Variants in ITPR2 observed in about 807,000 individuals in gnomAD.
ITPR2 encodes inositol 1,4,5-trisphosphate-gated calcium channel ITPR2.
In ITPR2, 207 loss-of-function variants were observed where a neutral mutation model predicts 317.1. That is an observed-to-expected ratio of 0.65 (90% CI 0.58 to 0.73). The LOEUF is 0.73. ITPR2 is among the 30% of genes least tolerant of loss of function. The pLI, the probability that ITPR2 is intolerant of heterozygous loss-of-function variation, is 0.00. For synonymous variants in ITPR2, 1,156 were observed against 1,149.1 expected, an observed-to-expected ratio of 1.01 and a Z score of -0.12; for missense variants, 2,613 against 3,284.0, an observed-to-expected ratio of 0.80 and a Z score of 4.99.
chr12:26,344,293 AT>A (rs1055494294), intron 55 of ITPR2, among the ~76,000 whole-genome samples: 27 of 152,110 alleles, frequency 1.8e-4, no homozygotes, highest in Non-Finnish European at 3.5e-4. Flanking sequence ...TCTGGGAGAG[AT>A]TTTTTCAACA....
At chr12:26,583,623 T>A (rs998449249) in intron 32 of ITPR2, among the ~76,000 whole-genome samples, 28 of 152,244 alleles carry the variant, frequency 1.8e-4, no homozygotes, top group African/African-American at 6.7e-4. Context: ...ATTTATGAAT[T>A]CTGATTAATT....
At chr12:26,746,645 T>C (rs771151662) in intron 2 of ITPR2, among the ~76,000 whole-genome samples, 9 of 152,332 alleles carry the variant, frequency 5.9e-5, no homozygotes, top group African/African-American at 1.4e-4. Flanking sequence ...TCCTTATTAC[T>C]GATGCACACA....
At chr12:26,615,035 A>G in intron 26 of ITPR2, among the ~76,000 whole-genome samples, 1 of 152,236 alleles carries the variant, frequency 6.6e-6, no homozygotes, top group East Asian at 1.9e-4. Context: ...AATCGGAGAA[A>G]GAGAGAGGAG....
chr12:26,780,759 C>T lies in ITPR2; in HGVS notation c.163+9398G>A, dbSNP rs1371441406. On this transcript the variant is annotated intron_variant, in intron 2 of 56. Transcript: ENST00000381340. ...GTGGAAATGGAAGTGGCACCACTCA[C>T]CATCACCCCTAGTGATCCACTAACA... Among the ~76,000 whole-genome samples, 3 of 152,196 alleles carry T rather than the reference C, an allele frequency of 2.0e-5. No homozygotes were observed. In the South Asian group the frequency reaches 6.2e-4, roughly 31 times the overall value.
At chr12:26,485,918 A>G (rs549904737) in intron 41 of ITPR2, among the ~76,000 whole-genome samples, 186 bp downstream of exon 41, 29 of 152,290 alleles carry the variant, frequency 1.9e-4, no homozygotes, top group African/African-American at 7.0e-4. Context: ...TTTCTTGCAT[A>G]AAAGGATTTT....
chr12:26,717,064 G>A (rs1948751819), intron 5 of ITPR2, among the ~76,000 whole-genome samples: 1 of 151,992 alleles, frequency 6.6e-6, no homozygotes, highest in African/African-American at 2.4e-5. Flanking sequence ...CATTATTAAA[G>A]TTACTTACAT....
intron 23 of ITPR2, 99 bp from the exon 24 acceptor site, chr12:26,624,455 C>A (rs1041137718): frequency 3.4e-5 from 28 of 820,264 alleles, no homozygotes; most frequent in Non-Finnish European, 5.0e-5. Context: ...TTTTTGTCTT[C>A]ATTTCTTTAT....
At chr12:26,407,363 G>A (rs1289875223) in intron 52 of ITPR2, among the ~76,000 whole-genome samples, 1 of 152,090 alleles carries the variant, frequency 6.6e-6, no homozygotes, top group Non-Finnish European at 1.5e-5. Flanking sequence ...CTTTGTTGTG[G>A]ACTGTCCTGT....
chr12:26,657,294 C>A (rs1449564), intron 18 of ITPR2, among the ~76,000 whole-genome samples: 1 of 152,142 alleles, frequency 6.6e-6, no homozygotes, highest in Non-Finnish European at 1.5e-5. Flanking sequence ...TAGGTCACCA[C>A]ATATTCATAA....
chr12:26,581,071 A>G (rs1019655097), intron 32 of ITPR2, among the ~76,000 whole-genome samples: 14 of 152,304 alleles, frequency 9.2e-5, no homozygotes, highest in African/African-American at 3.4e-4. Context: ...GTGGTTGGTA[A>G]TATGGTGGCC....
At chr12:26,710,458 T>C (rs946080668) in intron 9 of ITPR2, among the ~76,000 whole-genome samples, 2 of 152,164 alleles carry the variant, frequency 1.3e-5, no homozygotes, top group African/African-American at 4.8e-5. Flanking sequence ...CCTCTATCCA[T>C]TCACAAAATA....
At chr12:26,465,560 C>T (rs751805834) in intron 45 of ITPR2, among the ~76,000 whole-genome samples, 12 of 152,130 alleles carry the variant, frequency 7.9e-5, no homozygotes, top group South Asian at 2.1e-4. Flanking sequence ...AATGATCAAA[C>T]GAGGGAGAAC....
intron 37 of ITPR2, among the ~76,000 whole-genome samples, chr12:26,545,086 A>T (rs948594594): frequency 6.6e-6 from 1 of 152,186 alleles, no homozygotes. Flanking sequence ...TAAATACTAC[A>T]TCTACATTCT....
At chr12:26,551,280 A>G (rs1451934963) in intron 36 of ITPR2, among the ~76,000 whole-genome samples, 3 of 152,148 alleles carry the variant, frequency 2.0e-5, no homozygotes, top group African/African-American at 4.8e-5. Context: ...GGTCAAGTGT[A>G]AGGGCTTCCC....
chr12:26,813,915 C>G (rs753548713), intron 1 of ITPR2, among the ~76,000 whole-genome samples: 1 of 152,110 alleles, frequency 6.6e-6, no homozygotes, highest in Non-Finnish European at 1.5e-5. Context: ...TTTATTTGGC[C>G]ACAGTGTACA....
At chr12:26,459,852 C>T (rs1297326761) in intron 45 of ITPR2, among the ~76,000 whole-genome samples, 1 of 152,194 alleles carries the variant, frequency 6.6e-6, no homozygotes. Context: ...GTATCAACTG[C>T]CTGTTGTACA....
chr12:26,797,870 T>G (rs1369541238), intron 1 of ITPR2, among the ~76,000 whole-genome samples: 4 of 151,770 alleles, frequency 2.6e-5, no homozygotes, highest in Admixed American at 1.3e-4. Context: ...TTTTGTATTT[T>G]TAGTAGAGAT....
intron 26 of ITPR2, among the ~76,000 whole-genome samples, chr12:26,607,538 A>C (rs766871787): frequency 1.3e-5 from 2 of 152,092 alleles, no homozygotes; most frequent in Non-Finnish European, 2.9e-5. Context: ...CTTGCCTGGA[A>C]AGCTACTTTG....
At chr12:26,558,072 A>G (rs956001506) in intron 35 of ITPR2, among the ~76,000 whole-genome samples, 25 of 152,116 alleles carry the variant, frequency 1.6e-4, no homozygotes, top group African/African-American at 6.0e-4. Context: ...TACTTCAACC[A>G]CTCTAAATAA....
Sources: gnomAD v4.1 joint callset for allele counts (sites outside exome capture counted in the v4.1 genomes callset) on GRCh38, gnomAD v4.1.1 for gene constraint, MANE v1.5 for transcripts, NCBI Gene and HGNC (gene_info 2026-07-23, HGNC 2026-07-21) for gene names.